RNLS: variants seen among roughly 807,000 people sequenced by gnomAD.
RNLS encodes the protein renalase, FAD dependent amine oxidase.
A neutral mutation model predicts 39.8 loss-of-function variants in RNLS; 39 were observed. The ratio of observed to expected loss-of-function variants is 0.98; its 90% confidence interval spans 0.76 to 1.28. The LOEUF (loss-of-function observed/expected upper bound fraction) is 1.28, where lower values mean the gene tolerates loss of function less well. RNLS is among the 50% of genes most tolerant of loss of function. The pLI, the probability that RNLS is intolerant of heterozygous loss-of-function variation, is 0.00. For missense variants in RNLS, 410 were observed against 413.3 expected (o/e 0.99, Z 0.07); for synonymous variants, 147 against 150.7 (o/e 0.98, Z 0.18).
At chr10:88,444,987 C>T (rs367612169) in intron 4 of RNLS, among the ~76,000 whole-genome samples, 4 of 152,058 alleles carry the variant, frequency 2.6e-5, no homozygotes, top group East Asian at 1.9e-4. Context: ...AGATACTCCT[C>T]GAGAAGAACA....
chr10:88,230,593 A>T, the RNLS span, among the ~76,000 whole-genome samples: 830 of 152,214 alleles, frequency 5.5e-3, 4 homozygotes, highest in Admixed American at 8.0e-3. Flanking sequence ...CCCCTGCTCA[A>T]CTCTACTGCC....
intron 6 of RNLS, among the ~76,000 whole-genome samples, chr10:88,313,552 T>C (rs1845538905): frequency 6.6e-6 from 1 of 152,218 alleles, no homozygotes; most frequent in African/African-American, 2.4e-5. Context: ...ATAGACCTGC[T>C]ACAATATTTT....
chr10:88,499,056 T>C (rs1845323772), intron 4 of RNLS, among the ~76,000 whole-genome samples: 1 of 152,164 alleles, frequency 6.6e-6, no homozygotes, highest in South Asian at 2.1e-4. Context: ...ATAATTTTTC[T>C]CAACTTTGAC....
chr10:88,380,185 C>A (rs1851336964), intron 4 of RNLS, among the ~76,000 whole-genome samples: 1 of 152,110 alleles, frequency 6.6e-6, no homozygotes, highest in South Asian at 2.1e-4. Context: ...TGTCTATTCA[C>A]AAATTTTGCC....
chr10:88,507,366 G>A (rs775294543), intron 4 of RNLS, among the ~76,000 whole-genome samples: 1 of 151,956 alleles, frequency 6.6e-6, no homozygotes, highest in Non-Finnish European at 1.5e-5. Flanking sequence ...AATCCTAAAT[G>A]ATACTCCTAA....
chr10:88,581,261 T>C (rs2134502230), intron 3 of RNLS, among the ~76,000 whole-genome samples: 1 of 146,742 alleles, frequency 6.8e-6, no homozygotes, highest in East Asian at 2.0e-4. Context: ...AAAGAATAAA[T>C]ATAAAGAAAT....
intron 4 of RNLS, among the ~76,000 whole-genome samples, chr10:88,371,707 T>A (rs1318610708): frequency 6.6e-6 from 1 of 152,206 alleles, no homozygotes; most frequent in African/African-American, 2.4e-5. Context: ...TATTGCCTTC[T>A]GCTCACTAGA....
chr10:88,464,688 C>T lies in RNLS; in HGVS notation c.527-101963G>A, dbSNP rs113346291. 4.7e-3 allele frequency among the ~76,000 whole-genome samples: 719 copies of T among 152,026 alleles called. 6 individuals carry two copies. Among genetic ancestry groups the T allele is most frequent in the African/African-American group, 0.016 (659 of 41,478 alleles). ...AAAAGAGCAGAAACCTCTGTGGTAACGGCTTACATTAACAATACAGCTGCC... is the reference window on the plus strand; with the variant it reads ...AAAAGAGCAGAAACCTCTGTGGTAATGGCTTACATTAACAATACAGCTGCC... On this transcript the variant is annotated intron_variant, in intron 4 of 6. Coordinates refer to ENST00000331772, the MANE Select transcript of RNLS (RefSeq NM_001031709.3).
At chr10:88,513,636 A>G (rs895441336) in intron 4 of RNLS, among the ~76,000 whole-genome samples, 1 of 152,184 alleles carries the variant, frequency 6.6e-6, no homozygotes, top group African/African-American at 2.4e-5. Context: ...ATTAACTATT[A>G]GATGTTAAAC....
At chr10:88,274,624 G>T in exon 7 of RNLS, 1 of 228,812 alleles carries the variant, frequency 4.4e-6, no homozygotes, top group Non-Finnish European at 8.9e-6. Context: ...CCACCTTTTG[G>T]CTGTTGTGAA....
At chr10:88,523,399 A>G (rs1379913441) in intron 4 of RNLS, among the ~76,000 whole-genome samples, 1 of 152,146 alleles carries the variant, frequency 6.6e-6, no homozygotes, top group Non-Finnish European at 1.5e-5. Flanking sequence ...TTTTGAAAAT[A>G]TGTTACATAC....
Position 88,402,396 on chromosome 10 carries a change from G to A in RNLS, c.527-39671C>T, listed in dbSNP as rs1393234439. ...CTTGTTTTTTAAAAGAAATATGATC[G>A]ATATTACACATTGAAAGAGTGTATC... On this transcript the variant is annotated intron_variant, in intron 4 of 6. Transcript: ENST00000331772. Among the ~76,000 whole-genome samples the A allele has an allele frequency of 3.3e-5, 5 of 151,448 alleles. No homozygotes were observed. The East Asian group carries it at 9.7e-4, about 29-fold the overall frequency.
the RNLS span, among the ~76,000 whole-genome samples, chr10:88,238,310 C>T: frequency 6.6e-6 from 1 of 152,172 alleles, no homozygotes; most frequent in Non-Finnish European, 1.5e-5. Context: ...AGCCAGCAGC[C>T]TCCCCAGCTT....
intron 4 of RNLS, among the ~76,000 whole-genome samples, chr10:88,458,242 AT>A (rs1413413895): frequency 6.6e-6 from 1 of 152,186 alleles, no homozygotes; most frequent in East Asian, 1.9e-4. Flanking sequence ...GTAGTGCCAC[AT>A]CCATTCTGCA....
At chr10:88,542,093 T>C (rs1848078034) in intron 4 of RNLS, among the ~76,000 whole-genome samples, 2 of 152,148 alleles carry the variant, frequency 1.3e-5, no homozygotes, top group African/African-American at 4.8e-5. Context: ...TTATATCTCT[T>C]GTTTTAAGAT....
intron 4 of RNLS, among the ~76,000 whole-genome samples, chr10:88,365,042 A>G (rs752498600): frequency 6.6e-6 from 1 of 151,994 alleles, no homozygotes; most frequent in Non-Finnish European, 1.5e-5. Context: ...CCTTTTTGCT[A>G]GCTTTTAGAC....
chr10:88,554,628 C>A (rs1848761894), intron 4 of RNLS, among the ~76,000 whole-genome samples: 1 of 151,838 alleles, frequency 6.6e-6, no homozygotes, highest in African/African-American at 2.4e-5. Context: ...CAGAAGAGGA[C>A]TTCCACAGGC....
chr10:88,494,888 G>T (rs1204270602), intron 4 of RNLS, among the ~76,000 whole-genome samples: 1 of 152,106 alleles, frequency 6.6e-6, no homozygotes. Flanking sequence ...GTTACTCTGA[G>T]GTCCCTATAT....
chr10:88,356,778 C>G (rs1849225122), intron 5 of RNLS, among the ~76,000 whole-genome samples: 1 of 151,728 alleles, frequency 6.6e-6, no homozygotes, highest in Non-Finnish European at 1.5e-5. Context: ...GCCATCACAT[C>G]TCTAGAATTC....
Sources: gnomAD v4.1 joint callset for allele counts (sites outside exome capture counted in the v4.1 genomes callset) on GRCh38, gnomAD v4.1.1 for gene constraint, MANE v1.5 for transcripts, NCBI Gene and HGNC (gene_info 2026-07-23, HGNC 2026-07-21) for gene names.